RGS6: variants seen among roughly 807,000 people sequenced by gnomAD.
RGS6 encodes the protein regulator of G protein signaling 6.
RGS6 carries 30 observed loss-of-function variants against 78.5 expected under a neutral mutation model. That is an observed-to-expected ratio of 0.38 (90% CI 0.29 to 0.52). The LOEUF is 0.52. Ranked by LOEUF, RGS6 falls within the 20% of genes least tolerant of loss-of-function variation. RGS6 has a pLI of 0.85. For missense variants in RGS6, 495 were observed against 609.7 expected (o/e 0.81, Z 1.98); for synonymous variants, 206 against 206.0 (o/e 1.00, Z 0.00).
chr14:72,053,277 G>A lies in RGS6; in HGVS notation c.84+88402G>A, dbSNP rs183289168. 2.0e-4 allele frequency among the ~76,000 whole-genome samples: 30 copies of A among 150,642 alleles called. No individual in the cohort carries two copies. In the East Asian group the frequency reaches 5.3e-3, roughly 27 times the overall value. On this transcript the variant is annotated intron_variant, in intron 2 of 17. Transcript: ENST00000553525. ...TGGGGCTACAGCTGCCCACCACCAC[G>A]CCTGGCTAATTTTCGTATTTTTAGT...
chr14:71,949,007 A>C (rs2091962909), intron 1 of RGS6, among the ~76,000 whole-genome samples: 1 of 152,140 alleles, frequency 6.6e-6, no homozygotes, highest in African/African-American at 2.4e-5. Context: ...GTGTAGCAGT[A>C]GACTATTTTT....
intron 1 of RGS6, among the ~76,000 whole-genome samples, chr14:71,958,095 G>A (rs2190874): frequency 0.94 from 143,015 of 152,132 alleles, 67,323 homozygotes; most frequent in East Asian, 0.99. Flanking sequence ...TGTAGAGAAC[G>A]TTGTATTTAT....
At chr14:71,945,563 C>T (rs2091382247) in intron 1 of RGS6, among the ~76,000 whole-genome samples, 1 of 152,144 alleles carries the variant, frequency 6.6e-6, no homozygotes, top group Admixed American at 6.5e-5. Context: ...GTTTTTACTC[C>T]CAGAAATACA....
the RGS6 span, among the ~76,000 whole-genome samples, chr14:72,572,762 C>T: frequency 6.6e-6 from 1 of 151,986 alleles, no homozygotes; most frequent in East Asian, 1.9e-4. Flanking sequence ...TGTGGATATA[C>T]TTAAAATCAT....
chr14:72,078,625 C>T (rs546013676), intron 2 of RGS6, among the ~76,000 whole-genome samples: 183 of 152,190 alleles, frequency 1.2e-3, no homozygotes, highest in African/African-American at 4.2e-3. Context: ...TATACGTTAG[C>T]CAGGCTGGTC....
chr14:72,404,401 A>G (rs1014584393), intron 3 of RGS6, among the ~76,000 whole-genome samples: 1 of 152,130 alleles, frequency 6.6e-6, no homozygotes, highest in Non-Finnish European at 1.5e-5. Flanking sequence ...CCAGAACCCA[A>G]TGTCCCATCT....
Position 72,334,619 on chromosome 14 carries a change from G to A in RGS6, c.85-17476G>A, listed in dbSNP as rs144473434. Among the ~76,000 whole-genome samples, 84 of 152,298 alleles carry A rather than the reference G, an allele frequency of 5.5e-4. 1 individual carries two copies. Among genetic ancestry groups the A allele is most frequent in the Middle Eastern group, 3.4e-3 (1 of 294 alleles). Reference sequence around the variant, plus strand: ...GCCTGAAACACTTTTTTGCAGTAATGTGTTCCGTGATGGAAGTCATCTAAT... The same window carrying A: ...GCCTGAAACACTTTTTTGCAGTAATATGTTCCGTGATGGAAGTCATCTAAT... On this transcript the variant is annotated intron_variant, in intron 2 of 17. Coordinates refer to ENST00000553525, the MANE Select transcript of RGS6 (RefSeq NM_001204424.2).
the RGS6 span, among the ~76,000 whole-genome samples, chr14:71,878,771 C>A: frequency 6.6e-6 from 1 of 152,202 alleles, no homozygotes; most frequent in Non-Finnish European, 1.5e-5. Context: ...GTCTCTGCAT[C>A]ACTCACGCTG....
intron 13 of RGS6, among the ~76,000 whole-genome samples, chr14:72,507,649 A>G (rs552893791): frequency 6.6e-6 from 1 of 152,196 alleles, no homozygotes; most frequent in East Asian, 1.9e-4. Flanking sequence ...CCACCAAGGA[A>G]TCTGGTGGAA....
chr14:72,030,773 G>T (rs1289381786), intron 2 of RGS6, among the ~76,000 whole-genome samples: 1 of 152,170 alleles, frequency 6.6e-6, no homozygotes. Context: ...GAAGAATGTG[G>T]TAGAAATCAA....
At chr14:71,922,634 C>G in the RGS6 span, among the ~76,000 whole-genome samples, 2 of 152,178 alleles carry the variant, frequency 1.3e-5, no homozygotes, top group Non-Finnish European at 2.9e-5. Context: ...AGTTTTTCTA[C>G]TAATGCCATT....
At chr14:72,271,317 A>G (rs1231940185) in intron 2 of RGS6, among the ~76,000 whole-genome samples, 2 of 152,250 alleles carry the variant, frequency 1.3e-5, no homozygotes, top group African/African-American at 4.8e-5. Flanking sequence ...GGCAGGCAAG[A>G]GAGCTTGTGC....
the RGS6 span, among the ~76,000 whole-genome samples, chr14:72,580,194 T>C: frequency 6.6e-6 from 1 of 152,190 alleles, no homozygotes; most frequent in East Asian, 1.9e-4. Context: ...TCTGTGCTGC[T>C]TCTCCTGGTA....
At chr14:72,210,859 G>T (rs61994859) in intron 2 of RGS6, among the ~76,000 whole-genome samples, 1,546 of 151,750 alleles carry the variant, frequency 0.01, 12 homozygotes, top group Middle Eastern at 0.021. Context: ...TAAAGAGACA[G>T]CTTCCAAATG....
chr14:72,061,004 G>A (rs751860344), intron 2 of RGS6, among the ~76,000 whole-genome samples: 42 of 152,160 alleles, frequency 2.8e-4, no homozygotes, highest in Non-Finnish European at 5.1e-4. Flanking sequence ...TAAGGGGAAT[G>A]TGGCAGTCCT....
chr14:72,288,739 G>T (rs1296661552), intron 2 of RGS6, among the ~76,000 whole-genome samples: 1 of 152,174 alleles, frequency 6.6e-6, no homozygotes, highest in African/African-American at 2.4e-5. Flanking sequence ...AGGCTCAGAG[G>T]TCTAAGAAGC....
At chr14:72,124,175 G>C (rs1273823708) in intron 2 of RGS6, among the ~76,000 whole-genome samples, 2 of 152,158 alleles carry the variant, frequency 1.3e-5, no homozygotes, top group Non-Finnish European at 2.9e-5. Context: ...CATTTAATCT[G>C]TTTGCTGATA....
intron 14 of RGS6, among the ~76,000 whole-genome samples, chr14:72,515,466 G>A (rs536377590): frequency 1.1e-4 from 17 of 152,322 alleles, no homozygotes; most frequent in Middle Eastern, 3.4e-3. Flanking sequence ...AGGAGTTCAA[G>A]ACCAGCCTGG....
intron 3 of RGS6, among the ~76,000 whole-genome samples, chr14:72,374,781 T>C (rs2084285627): frequency 6.6e-6 from 1 of 152,198 alleles, no homozygotes; most frequent in African/African-American, 2.4e-5. Flanking sequence ...CATACGAAAT[T>C]GCCATTTTTA....
Sources: gnomAD v4.1 joint callset for allele counts (sites outside exome capture counted in the v4.1 genomes callset) on GRCh38, gnomAD v4.1.1 for gene constraint, MANE v1.5 for transcripts, NCBI Gene and HGNC (gene_info 2026-07-23, HGNC 2026-07-21) for gene names.